The following RIMS1 variants were observed in gnomAD, a reference collection of about 807,000 sequenced individuals.
RIMS1 encodes regulating synaptic membrane exocytosis protein 1.
Under a neutral mutation model 214.1 loss-of-function variants are expected in RIMS1, and 83 were observed. The ratio of observed to expected loss-of-function variants is 0.39; its 90% CI spans 0.32 to 0.47. The LOEUF (loss-of-function observed/expected upper bound fraction) is 0.47, where lower values mean the gene tolerates loss of function less well. Among genes scored for constraint, RIMS1 ranks in the 20% least tolerant of loss-of-function variants. RIMS1 has a pLI of 0.99. For synonymous variants in RIMS1, 793 were observed against 786.8 expected (o/e 1.01, Z -0.13); for missense variants, 2,050 against 2,161.8 (o/e 0.95, Z 1.03).
At chr6:71,906,813 A>G (rs1775391865) in intron 1 of RIMS1, among the ~76,000 whole-genome samples, 1 of 152,196 alleles carries the variant, frequency 6.6e-6, no homozygotes, top group South Asian at 2.1e-4. Flanking sequence ...GTAATATATT[A>G]AGAATACACT....
In RIMS1 at chr6:72,160,956, T is replaced by C. The variant is rs2045304925; in HGVS notation, c.472-18619T>C. On this transcript the variant is annotated intron_variant, in intron 4 of 33. Transcript: ENST00000521978. ...TTGATTGGAATAGTTTCAGAAGGAA[T>C]GGTACCAGCTCATTCTTGTATCTTT... Among the ~76,000 whole-genome samples, 4 of 139,848 alleles carry C rather than the reference T, an allele frequency of 2.9e-5. 2 individuals are homozygous for C. Among genetic ancestry groups the C allele is most frequent in the Non-Finnish European group, 6.5e-5 (4 of 61,636 alleles). The allele number at this position is 139,848 out of a possible 152,430, so 91.7% of individuals were successfully genotyped here.
intron 4 of RIMS1, among the ~76,000 whole-genome samples, chr6:72,108,369 T>A (rs535001898): frequency 6.6e-6 from 1 of 152,226 alleles, no homozygotes; most frequent in South Asian, 2.1e-4. Context: ...GGATTACAGT[T>A]GTGAGCCACT....
chr6:71,934,204 C>G (rs1783885957), intron 1 of RIMS1, among the ~76,000 whole-genome samples: 1 of 152,192 alleles, frequency 6.6e-6, no homozygotes, highest in Admixed American at 6.5e-5. Context: ...AACATTACCT[C>G]TGGTATTTGC....
At chr6:72,334,726 A>G (rs1043299298) in intron 29 of RIMS1, among the ~76,000 whole-genome samples, 1 of 151,916 alleles carries the variant, frequency 6.6e-6, no homozygotes, top group African/African-American at 2.4e-5. Flanking sequence ...CTTTCACAAA[A>G]TCCTTTTTAT....
At chr6:72,086,734 T>C (rs1008083514) in intron 2 of RIMS1, among the ~76,000 whole-genome samples, 2 of 152,114 alleles carry the variant, frequency 1.3e-5, no homozygotes, top group African/African-American at 2.4e-5. Flanking sequence ...AGAAAACGTA[T>C]GTGAGAGATG....
chr6:72,296,736 T>C (rs925579955), intron 26 of RIMS1, among the ~76,000 whole-genome samples: 2 of 151,920 alleles, frequency 1.3e-5, no homozygotes, highest in Admixed American at 1.3e-4. Context: ...TCTCAATATT[T>C]GAAAGTGGAC....
intron 2 of RIMS1, among the ~76,000 whole-genome samples, chr6:72,044,755 T>C (rs1276053054): frequency 2.0e-5 from 3 of 151,924 alleles, no homozygotes; most frequent in Admixed American, 1.3e-4. Flanking sequence ...CAGGTTGATG[T>C]TGGGAACATA....
Position 72,251,053 on chromosome 6 carries a change from AC to A in RIMS1, c.2507del (p.Pro836GlnfsTer16). The A allele has an allele frequency of 6.3e-7, 1 of 1,586,464 alleles. No homozygotes were observed. ...TGTTAGAAATAACTGTGTGGGACCAACCAAGAGTGCAAGAAGAAGAAAGTGA... is the reference window on the plus strand; with the variant it reads ...TGTTAGAAATAACTGTGTGGGACCAACAAGAGTGCAAGAAGAAGAAAGTGA... Reference protein sequence around the residue: ...RMLEITVWDQPRVQEEESEFL... With the variant: ...RMLEITVWDQXRVQEEESEFL... On this transcript the variant is annotated frameshift_variant, in exon 14 of 34. Transcript: ENST00000521978. LOFTEE classifies it high-confidence loss of function.
At chr6:72,194,813 A>C (rs1378579510) in intron 6 of RIMS1, among the ~76,000 whole-genome samples, 1 of 152,156 alleles carries the variant, frequency 6.6e-6, no homozygotes, top group Non-Finnish European at 1.5e-5. Flanking sequence ...TTATCTAAAA[A>C]TTGAGATTAA....
At chr6:72,091,593 A>G (rs1037772568) in intron 2 of RIMS1, among the ~76,000 whole-genome samples, 10 of 152,194 alleles carry the variant, frequency 6.6e-5, no homozygotes, top group Non-Finnish European at 8.8e-5. Context: ...TTTGAAATAT[A>G]TGCTATTAAT....
In RIMS1 at chr6:72,292,015, A is replaced by G; in HGVS notation, c.3819A>G (p.Gln1273=). 1 of 1,559,410 alleles carries G rather than the reference A, an allele frequency of 6.4e-7. No individual in the cohort carries two copies. Among genetic ancestry groups the G allele is most frequent in the Non-Finnish European group, 8.7e-7 (1 of 1,151,562 alleles). The change falls in exon 26 of 34, where the codon CAA becomes CAG. Residue 1273 remains glutamine (Q), a synonymous_variant. Coordinates refer to ENST00000521978, the MANE Select transcript of RIMS1 (RefSeq NM_014989.7). ...FSSRRGRQLP[Q]VPVRSGSIEQ... is the part of the protein sequence containing the mutation. ...GTCGCAGGGGAAGACAGCTCCCACA[A>G]GTGCCAGTGAGAAGCGGCAGTATAG... is the stretch of plus-strand genomic sequence containing the variant.
At chr6:72,316,408 G>A (rs1036354687) in intron 28 of RIMS1, among the ~76,000 whole-genome samples, 5 of 152,156 alleles carry the variant, frequency 3.3e-5, no homozygotes, top group Non-Finnish European at 7.3e-5. Flanking sequence ...GCATGACCAG[G>A]ATCAGGGTCA....
intron 1 of RIMS1, among the ~76,000 whole-genome samples, chr6:71,891,856 T>G (rs1426131786): frequency 2.0e-5 from 3 of 152,208 alleles, no homozygotes; most frequent in Non-Finnish European, 4.4e-5. Context: ...AAAACAATTT[T>G]TGTAAACTTG....
At chr6:72,282,772 C>T (rs2090763602) in intron 23 of RIMS1, among the ~76,000 whole-genome samples, 1 of 152,002 alleles carries the variant, frequency 6.6e-6, no homozygotes, top group Admixed American at 6.6e-5. Context: ...CATAGTTATC[C>T]CTCAATATAT....
At chr6:72,307,611 C>T (rs373684474) in intron 27 of RIMS1, among the ~76,000 whole-genome samples, 17 of 149,396 alleles carry the variant, frequency 1.1e-4, no homozygotes, top group Admixed American at 3.3e-4. Flanking sequence ...AAAAATTAGC[C>T]GGGCGTGCGC....
intron 2 of RIMS1, among the ~76,000 whole-genome samples, chr6:71,998,391 C>G (rs1484937936): frequency 1.3e-5 from 2 of 152,054 alleles, no homozygotes; most frequent in African/African-American, 4.8e-5. Context: ...GTTTCTCGCG[C>G]CTCTTCCTTG....
chr6:72,338,233 C>G (rs1314231189), intron 29 of RIMS1, among the ~76,000 whole-genome samples: 2 of 151,790 alleles, frequency 1.3e-5, no homozygotes, highest in African/African-American at 4.8e-5. Context: ...CCTATTTCTC[C>G]ACATCCTCTC....
At chr6:72,026,848 G>C in intron 2 of RIMS1, among the ~76,000 whole-genome samples, 1 of 151,960 alleles carries the variant, frequency 6.6e-6, no homozygotes, top group East Asian at 1.9e-4. Context: ...AGCCCTTGAG[G>C]GCAAAAGTCA....
intron 22 of RIMS1, among the ~76,000 whole-genome samples, chr6:72,272,872 A>G (rs2084144136): frequency 6.6e-6 from 1 of 152,174 alleles, no homozygotes; most frequent in Non-Finnish European, 1.5e-5. Flanking sequence ...CATTTTATCT[A>G]TAAACAAAAG....
Sources: allele counts gnomAD v4.1 joint callset (sites outside exome capture counted in the v4.1 genomes callset), GRCh38; gene constraint gnomAD v4.1.1; transcripts MANE v1.5; gene names NCBI Gene and HGNC (gene_info 2026-07-23, HGNC 2026-07-21).